ANXA8: variants seen among roughly 807,000 people sequenced by gnomAD.
The protein encoded by ANXA8 is VAC-beta.
ANXA8 carries 9 observed loss-of-function variants against 26.8 expected under a neutral mutation model. The ratio of observed to expected loss-of-function variants is 0.34; its 90% CI spans 0.20 to 0.59. The LOEUF (loss-of-function observed/expected upper bound fraction) is 0.59. Ranked by LOEUF, ANXA8 falls within the 20% of genes least tolerant of loss-of-function variation. The pLI is 0.84. For synonymous variants in ANXA8, 39 were observed against 94.8 expected, an observed-to-expected ratio of 0.41 and a Z score of 3.42; for missense variants, 83 against 238.5, an observed-to-expected ratio of 0.35 and a Z score of 4.29.
At chr10:47,744,850 T>A in the ANXA8 span, among the ~76,000 whole-genome samples, 2 of 152,038 alleles carry the variant, frequency 1.3e-5, no homozygotes, top group Admixed American at 6.6e-5. Flanking sequence ...AAAATTCACA[T>A]GATTTTTGGA....
upstream of ANXA8, among the ~76,000 whole-genome samples, chr10:47,486,972 CAAAACA>C (rs1243393744): frequency 5.6e-5 from 8 of 142,322 alleles, no homozygotes; most frequent in African/African-American, 1.0e-4. Context: ...GACTCTATCT[CAAAACA>C]AAAACAAAAA....
At chr10:47,694,736 A>C in the ANXA8 span, among the ~76,000 whole-genome samples, 9 of 151,886 alleles carry the variant, frequency 5.9e-5, no homozygotes, top group Non-Finnish European at 1.2e-4. Context: ...AAAAATTTGA[A>C]GTAACAGATG....
At chr10:47,986,890 T>C in the ANXA8 span, 1 of 459,598 alleles carries the variant, frequency 2.2e-6, no homozygotes, top group Non-Finnish European at 4.3e-6. Context: ...GACTGCCGGT[T>C]GGAGGCTACA....
the ANXA8 span, among the ~76,000 whole-genome samples, chr10:47,617,695 C>A: frequency 3.4e-5 from 5 of 148,878 alleles, no homozygotes; most frequent in African/African-American, 1.3e-4. Context: ...AAGATCTTCA[C>A]TGAGATTGAG....
the ANXA8 span, among the ~76,000 whole-genome samples, chr10:47,650,024 A>G: frequency 3.3e-5 from 5 of 150,464 alleles, no homozygotes; most frequent in East Asian, 8.1e-4. Context: ...TCTGGCCAAC[A>G]TGGTGAAATC....
chr10:47,695,002 C>T, the ANXA8 span, among the ~76,000 whole-genome samples: 1 of 151,838 alleles, frequency 6.6e-6, no homozygotes. Context: ...CCCCTCCATG[C>T]ACCACTAGTG....
At chr10:47,589,414 G>A in the ANXA8 span, 1 of 146,246 alleles carries the variant, frequency 6.8e-6, no homozygotes, top group South Asian at 2.1e-4. Flanking sequence ...GCAGAGGCCT[G>A]AATCCTCTAG....
At chr10:47,551,948 C>G in the ANXA8 span, 2 of 871,594 alleles carry the variant, frequency 2.3e-6, no homozygotes, top group Non-Finnish European at 3.0e-6. Flanking sequence ...ACAAGTAACT[C>G]TAACCTACAA....
chr10:47,973,311 G>A, the ANXA8 span: 2 of 144,988 alleles, frequency 1.4e-5, no homozygotes, highest in African/African-American at 5.0e-5. Context: ...TGTGCCTCAG[G>A]AATCAGCTTA....
At chr10:47,946,059 C>T in the ANXA8 span, among the ~76,000 whole-genome samples, 1 of 147,062 alleles carries the variant, frequency 6.8e-6, no homozygotes, top group African/African-American at 2.6e-5. Context: ...CTCTCTTTCT[C>T]CCTGCACTCC....
the ANXA8 span, among the ~76,000 whole-genome samples, chr10:47,940,603 G>C: frequency 1.4e-5 from 2 of 147,620 alleles, no homozygotes; most frequent in Non-Finnish European, 3.0e-5. Context: ...GCCGAGGAGG[G>C]TGGATCATGA....
chr10:47,647,789 C>T, the ANXA8 span, among the ~76,000 whole-genome samples: 2 of 151,794 alleles, frequency 1.3e-5, no homozygotes, highest in African/African-American at 4.9e-5. Context: ...TTTCATTTCA[C>T]ATAAAGTATG....
the ANXA8 span, among the ~76,000 whole-genome samples, chr10:47,951,789 A>G: frequency 5.5e-5 from 7 of 126,502 alleles, no homozygotes; most frequent in East Asian, 2.9e-4. Flanking sequence ...CCAGGCTGGG[A>G]GACAGAGCAA....
the ANXA8 span, chr10:47,564,869 T>C: frequency 3.1e-6 from 4 of 1,274,276 alleles, no homozygotes; most frequent in Admixed American, 6.8e-5. Context: ...TGACTTCATC[T>C]ACCAGAGCCA....
chr10:47,483,440 C>G (rs1227763885), intron 1 of ANXA8, among the ~76,000 whole-genome samples: 5 of 134,598 alleles, frequency 3.7e-5, no homozygotes, highest in African/African-American at 1.6e-4. Flanking sequence ...GTACCAGGAC[C>G]CTTGAGCTGT....
the ANXA8 span, among the ~76,000 whole-genome samples, chr10:47,950,564 T>C: frequency 6.7e-6 from 1 of 150,232 alleles, no homozygotes; most frequent in Non-Finnish European, 1.5e-5. Flanking sequence ...ACTTTCATTA[T>C]AATGGACCAT....
chr10:47,667,968 C>T, the ANXA8 span, among the ~76,000 whole-genome samples: 2 of 151,960 alleles, frequency 1.3e-5, no homozygotes, highest in Non-Finnish European at 2.9e-5. Context: ...GAACTCCTGA[C>T]CTCAAATGAT....
chr10:47,979,064 T>A, the ANXA8 span, among the ~76,000 whole-genome samples: 1 of 151,442 alleles, frequency 6.6e-6, no homozygotes, highest in Non-Finnish European at 1.5e-5. Flanking sequence ...AGACAAAAAT[T>A]ATTACAAGAG....
the ANXA8 span, among the ~76,000 whole-genome samples, chr10:47,733,306 TTCTC>T: frequency 1.6e-5 from 2 of 126,604 alleles, no homozygotes; most frequent in African/African-American, 3.5e-5. Flanking sequence ...TTTTTTTTCT[TTCTC>T]TCTCCCTCTC....
Sources: allele counts gnomAD v4.1 joint callset (sites outside exome capture counted in the v4.1 genomes callset), GRCh38; gene constraint gnomAD v4.1.1; transcripts MANE v1.5; gene names NCBI Gene and HGNC (gene_info 2026-07-23, HGNC 2026-07-21).